OLFM3: variants seen among roughly 807,000 people sequenced by gnomAD.
The protein encoded by OLFM3 is olfactomedin 3, also known as noelin-3.
A neutral mutation model predicts 48.6 loss-of-function variants in OLFM3; 20 were observed. That is an observed-to-expected ratio of 0.41 (90% CI 0.29 to 0.60). The LOEUF is 0.60. OLFM3 is among the 20% of genes least tolerant of loss of function. OLFM3 has a pLI of 0.28. For missense variants in OLFM3, 437 were observed against 544.3 expected (o/e 0.80, Z 1.96); for synonymous variants, 222 against 198.1 (o/e 1.12, Z -1.01).
chr1:101,963,246 A>G (rs1186211479), intron 1 of OLFM3, among the ~76,000 whole-genome samples: 2 of 152,108 alleles, frequency 1.3e-5, no homozygotes, highest in Non-Finnish European at 2.9e-5. Flanking sequence ...TCTTTTCCTG[A>G]CAAACTCGAG....
At chr1:101,980,647 G>A (rs189912967) in intron 1 of OLFM3, among the ~76,000 whole-genome samples, 98 of 152,158 alleles carry the variant, frequency 6.4e-4, no homozygotes, top group Admixed American at 1.8e-3. Flanking sequence ...ATTCAGTCTT[G>A]GGTCTTTCTT....
chr1:101,852,214 C>T (rs191466757), intron 1 of OLFM3, among the ~76,000 whole-genome samples: 56 of 152,198 alleles, frequency 3.7e-4, no homozygotes, highest in African/African-American at 1.2e-3. Flanking sequence ...CCCTTTACAG[C>T]ATACCCTCTG....
intron 1 of OLFM3, among the ~76,000 whole-genome samples, chr1:101,981,251 G>C (rs1454029295): frequency 6.6e-6 from 1 of 151,590 alleles, no homozygotes; most frequent in African/African-American, 2.4e-5. Flanking sequence ...GCAACTACAA[G>C]GAAGCTTCCA....
chr1:101,895,724 G>A (rs2182764), intron 1 of OLFM3, among the ~76,000 whole-genome samples: 1 of 151,728 alleles, frequency 6.6e-6, no homozygotes, highest in South Asian at 2.1e-4. Flanking sequence ...TAATTCAATG[G>A]GCTATGAACA....
chr1:101,835,955 C>G (rs976310808), intron 2 of OLFM3, among the ~76,000 whole-genome samples: 1 of 152,112 alleles, frequency 6.6e-6, no homozygotes, highest in African/African-American at 2.4e-5. Context: ...ATGAGTGTCT[C>G]TATTAAAAAA....
intron 4 of OLFM3, among the ~76,000 whole-genome samples, chr1:101,818,610 C>T (rs1254668788): frequency 6.6e-6 from 1 of 152,038 alleles, no homozygotes; most frequent in Admixed American, 6.6e-5. Flanking sequence ...TTTGTTAATT[C>T]CTGCTTTCAC....
At chr1:101,901,126 T>C (rs1257002612) in intron 1 of OLFM3, among the ~76,000 whole-genome samples, 1 of 151,924 alleles carries the variant, frequency 6.6e-6, no homozygotes, top group East Asian at 1.9e-4. Context: ...ACAAACTGGT[T>C]AAGACTACTA....
rs142746872 is a variant in OLFM3 at position 101,847,431 on chromosome 1, A to G, written c.70-10406T>C. Among the ~76,000 whole-genome samples, 69 of 152,218 alleles carry G rather than the reference A, an allele frequency of 4.5e-4. 1 individual carries two copies. The East Asian group carries it at 0.013, about 28-fold the overall frequency. ...ATTTCAAACACCAAACTTAATATCT[A>G]CAGATTTCTCTGGGCAAGGACAGAG... is the stretch of plus-strand genomic sequence containing the variant. On this transcript the variant is annotated intron_variant, in intron 1 of 5. Coordinates refer to ENST00000370103, the MANE Select transcript of OLFM3 (RefSeq NM_058170.4).
chr1:101,906,769 T>C (rs562961822), intron 1 of OLFM3, among the ~76,000 whole-genome samples: 1 of 152,310 alleles, frequency 6.6e-6, no homozygotes, highest in African/African-American at 2.4e-5. Context: ...ATCTGACAGC[T>C]AGACTCATTC....
chr1:101,956,637 T>G (rs1660306190), intron 1 of OLFM3, among the ~76,000 whole-genome samples: 1 of 151,962 alleles, frequency 6.6e-6, no homozygotes, highest in Non-Finnish European at 1.5e-5. Flanking sequence ...TCTGTAAGTA[T>G]AAGCTTATTA....
chr1:101,890,984 T>C (rs1657972418), intron 1 of OLFM3, among the ~76,000 whole-genome samples: 1 of 152,022 alleles, frequency 6.6e-6, no homozygotes, highest in African/African-American at 2.4e-5. Flanking sequence ...TTATGCAATA[T>C]AGCCTAACCA....
chr1:101,946,265 T>C (rs1031866213), intron 1 of OLFM3, among the ~76,000 whole-genome samples: 3 of 152,162 alleles, frequency 2.0e-5, no homozygotes, highest in Non-Finnish European at 4.4e-5. Flanking sequence ...TCTCTGCAAA[T>C]GTGAATATGT....
intron 1 of OLFM3, among the ~76,000 whole-genome samples, chr1:101,975,643 G>T (rs1438766738): frequency 6.6e-6 from 1 of 152,138 alleles, no homozygotes; most frequent in Non-Finnish European, 1.5e-5. Context: ...CACTGTCACA[G>T]AAAGGTATTA....
rs2101024904 is a variant in OLFM3 at position 101,907,897 on chromosome 1, A to C, written c.70-70872T>G. ...CGTATAATTTTTTCCAGTTCAAATT[A>C]AATTGTCTACATACCTATTAGCCTC... On this transcript the variant is annotated intron_variant, in intron 1 of 5. Coordinates refer to ENST00000370103, the MANE Select transcript of OLFM3 (RefSeq NM_058170.4). 1.3e-5 allele frequency among the ~76,000 whole-genome samples: 2 copies of C among 152,356 alleles called. 1 individual carries two copies. The highest frequency in any genetic ancestry group is 4.1e-4 in the South Asian group (2 of 4,832).
intron 3 of OLFM3, among the ~76,000 whole-genome samples, chr1:101,827,179 T>G (rs1275070010): frequency 6.6e-6 from 1 of 152,196 alleles, no homozygotes; most frequent in Non-Finnish European, 1.5e-5. Context: ...TTAGCTAGAG[T>G]AGAGCCAACA....
At chr1:101,895,805 A>C (rs890577519) in intron 1 of OLFM3, among the ~76,000 whole-genome samples, 1 of 151,296 alleles carries the variant, frequency 6.6e-6, no homozygotes, top group African/African-American at 2.4e-5. Flanking sequence ...TTACACTGCA[A>C]ATGAAAAACT....
At chr1:101,805,157 C>T (rs1014615952) in intron 5 of OLFM3, among the ~76,000 whole-genome samples, 5 of 151,682 alleles carry the variant, frequency 3.3e-5, no homozygotes, top group Admixed American at 3.3e-4. Flanking sequence ...TTTGCTTTTT[C>T]TCTCTTTGTT....
chr1:101,837,958 T>G (rs2100926105), intron 1 of OLFM3: 1 of 152,300 alleles, frequency 6.6e-6, no homozygotes, highest in Middle Eastern at 3.4e-3. Flanking sequence ...TTTCTAGAAT[T>G]GTCATTTGCC....
intron 1 of OLFM3, among the ~76,000 whole-genome samples, chr1:101,844,998 A>G (rs1215117188): frequency 6.6e-6 from 1 of 152,170 alleles, no homozygotes; most frequent in Non-Finnish European, 1.5e-5. Context: ...GGGAAATGTC[A>G]TAGACATTGC....
Sources: gnomAD v4.1 joint callset for allele counts (sites outside exome capture counted in the v4.1 genomes callset) on GRCh38, gnomAD v4.1.1 for gene constraint, MANE v1.5 for transcripts, NCBI Gene and HGNC (gene_info 2026-07-23, HGNC 2026-07-21) for gene names.